Variants in NTNG1 observed in about 807,000 individuals in gnomAD.
NTNG1 encodes netrin-G1.
In NTNG1, 16 loss-of-function variants were observed where a neutral mutation model predicts 54.0. The observed-to-expected ratio is 0.30, with a 90% CI of 0.20 to 0.45. The LOEUF is 0.45. Ranked by LOEUF, NTNG1 falls within the 20% of genes least tolerant of loss-of-function variation. NTNG1 has a pLI of 1.00. For missense variants in NTNG1, 530 were observed against 678.7 expected (o/e 0.78, Z 2.43); for synonymous variants, 255 against 263.1 (o/e 0.97, Z 0.30).
chr1:107,437,362 G>A (rs747080019), intron 7 of NTNG1, among the ~76,000 whole-genome samples: 59 of 152,130 alleles, frequency 3.9e-4, no homozygotes, highest in Non-Finnish European at 6.3e-4. Flanking sequence ...GAGGAGCTGT[G>A]GACAAATGCC....
rs145712505 is a variant in NTNG1, at chr1:107,369,047, C to G, written c.888-26107C>G. ...ATAAATGGAATTATATAATATGACT[C>G]TTTTATCACTTCTTTTATTCAACAT... On this transcript the variant is annotated intron_variant, in intron 3 of 7. Coordinates refer to ENST00000370068, the MANE Select transcript of NTNG1 (RefSeq NM_001113226.3). Among the ~76,000 whole-genome samples the G allele has an allele frequency of 1.2e-4, 19 of 152,162 alleles. No individual in the cohort carries two copies. The East Asian group carries it at 3.5e-3, about 28-fold the overall frequency.
At chr1:107,344,096 G>A (rs1017817126) in intron 3 of NTNG1, among the ~76,000 whole-genome samples, 1 of 151,976 alleles carries the variant, frequency 6.6e-6, no homozygotes, top group African/African-American at 2.4e-5. Flanking sequence ...AGTTTATTGA[G>A]CTATGGTATC....
At chr1:107,441,626 T>A (rs1417624877) in intron 7 of NTNG1, among the ~76,000 whole-genome samples, 2 of 152,110 alleles carry the variant, frequency 1.3e-5, no homozygotes, top group Non-Finnish European at 2.9e-5. Context: ...GGATAATCTC[T>A]CCTTTTCAAG....
At chr1:107,404,918 T>C (rs528480460) in intron 4 of NTNG1, among the ~76,000 whole-genome samples, 100 of 152,304 alleles carry the variant, frequency 6.6e-4, no homozygotes, top group African/African-American at 2.3e-3. Context: ...TAGACAGTTT[T>C]CCTAAGCACA....
chr1:107,421,005 G>A, intron 5 of NTNG1: 1 of 948,368 alleles, frequency 1.1e-6, no homozygotes, highest in African/African-American at 1.6e-5. Flanking sequence ...CTTTTCAAGT[G>A]GGTTGGTGAT....
chr1:107,141,945 C>T (rs1301266855), intron 1 of NTNG1, among the ~76,000 whole-genome samples: 10 of 152,142 alleles, frequency 6.6e-5, no homozygotes, highest in Non-Finnish European at 1.2e-4. Flanking sequence ...CTGGTGGCCA[C>T]ATCGAGAGCT....
chr1:107,231,460 T>C (rs996655423), intron 2 of NTNG1, among the ~76,000 whole-genome samples: 2 of 152,232 alleles, frequency 1.3e-5, no homozygotes, highest in Non-Finnish European at 2.9e-5. Context: ...CAATTCCATG[T>C]GTCTTCTCAA....
Position 107,463,736 on chromosome 1 carries a change from T to C in NTNG1, c.1391-16875T>C, listed in dbSNP as rs12067303. Among the ~76,000 whole-genome samples, 1,199 of 152,224 alleles carry C rather than the reference T, an allele frequency of 7.9e-3. 17 individuals carry two copies. Among genetic ancestry groups the C allele is most frequent in the African/African-American group, 0.028 (1,167 of 41,548 alleles). ...TTTTTTTTCAGTTTACTCACCAGTC[T>C]ATATAAGGCAAGAGCCCTGATTATG... is the stretch of plus-strand genomic sequence containing the variant. On this transcript the variant is annotated intron_variant, in intron 7 of 7. Coordinates refer to ENST00000370068, the MANE Select transcript of NTNG1 (RefSeq NM_001113226.3).
chr1:107,232,358 T>C (rs1021064893), intron 2 of NTNG1, among the ~76,000 whole-genome samples: 3 of 152,230 alleles, frequency 2.0e-5, no homozygotes, highest in Non-Finnish European at 2.9e-5. Flanking sequence ...CTTCTCTATA[T>C]ACCTTTCCCT....
At position 107,365,131 on chromosome 1, in the gene NTNG1, C is replaced by T. The variant is rs111659785; in HGVS notation, c.888-30023C>T. ...TACATATGGGGCCTTGTATCCAAAG[C>T]TCACATTACAGCTATATTACAAAGT... On this transcript the variant is annotated intron_variant, in intron 3 of 7. Transcript: ENST00000370068. Among the ~76,000 whole-genome samples, 429 of 152,208 alleles carry T rather than the reference C, an allele frequency of 2.8e-3. 1 individual carries two copies. The highest frequency in any genetic ancestry group is 4.1e-3 in the Admixed American group (62 of 15,280).
intron 7 of NTNG1, among the ~76,000 whole-genome samples, chr1:107,470,311 A>G (rs934390093): frequency 1.3e-5 from 2 of 152,260 alleles, no homozygotes; most frequent in African/African-American, 4.8e-5. Flanking sequence ...AAAACCCAGC[A>G]ATTTATTTTA....
intron 2 of NTNG1, among the ~76,000 whole-genome samples, chr1:107,213,699 A>G (rs1011847342): frequency 6.6e-6 from 1 of 152,158 alleles, no homozygotes; most frequent in Non-Finnish European, 1.5e-5. Flanking sequence ...GTATGGCTAT[A>G]TGTCTTTGTT....
At chr1:107,319,779 A>G (rs891797580) in intron 2 of NTNG1, among the ~76,000 whole-genome samples, 1 of 151,888 alleles carries the variant, frequency 6.6e-6, no homozygotes, top group Non-Finnish European at 1.5e-5. Flanking sequence ...GTTGTTTCCA[A>G]TAGTTTGCCC....
intron 2 of NTNG1, among the ~76,000 whole-genome samples, chr1:107,231,174 A>G (rs146295060): frequency 7.2e-5 from 11 of 152,342 alleles, no homozygotes; most frequent in African/African-American, 1.7e-4. Context: ...CCTGTACAAT[A>G]AAAGATCAAT....
At chr1:107,237,183 T>C (rs1661470696) in intron 2 of NTNG1, among the ~76,000 whole-genome samples, 1 of 152,202 alleles carries the variant, frequency 6.6e-6, no homozygotes, top group African/African-American at 2.4e-5. Context: ...TGTTGGGAAC[T>C]GGAGCAAAGG....
chr1:107,278,363 T>C (rs1220126873), intron 2 of NTNG1, among the ~76,000 whole-genome samples: 1 of 152,224 alleles, frequency 6.6e-6, no homozygotes, highest in East Asian at 1.9e-4. Flanking sequence ...TGTTGTCTTT[T>C]CCTTAAGATC....
At chr1:107,226,451 T>C (rs780247177) in intron 2 of NTNG1, among the ~76,000 whole-genome samples, 8 of 152,148 alleles carry the variant, frequency 5.3e-5, no homozygotes, top group Non-Finnish European at 1.0e-4. Context: ...GCGACAATAG[T>C]TTTATTAGGA....
intron 3 of NTNG1, among the ~76,000 whole-genome samples, chr1:107,363,255 C>A (rs898718826): frequency 6.6e-6 from 1 of 152,054 alleles, no homozygotes; most frequent in Non-Finnish European, 1.5e-5. Context: ...GAAAAAAGCC[C>A]CACTGCAAAT....
At chr1:107,241,516 C>A (rs1179463247) in intron 2 of NTNG1, among the ~76,000 whole-genome samples, 1 of 152,134 alleles carries the variant, frequency 6.6e-6, no homozygotes, top group East Asian at 1.9e-4. Flanking sequence ...AACAAGCTAA[C>A]CATAAACCAC....
Sources: allele counts gnomAD v4.1 joint callset (sites outside exome capture counted in the v4.1 genomes callset), GRCh38; gene constraint gnomAD v4.1.1; transcripts MANE v1.5; gene names NCBI Gene and HGNC (gene_info 2026-07-23, HGNC 2026-07-21).